Variants in ACSF3 observed in about 807,000 individuals in gnomAD.
ACSF3 encodes malonate--CoA ligase ACSF3, mitochondrial.
Under a neutral mutation model 53.2 loss-of-function variants are expected in ACSF3, and 78 were observed. The observed-to-expected ratio is 1.47, with a 90% CI of 1.22 to 1.77. The LOEUF is 1.77. Ranked by LOEUF, ACSF3 falls within the 40% of genes most tolerant of loss-of-function variation. The pLI, the probability that ACSF3 is intolerant of heterozygous loss-of-function variation, is 0.00. For missense variants in ACSF3, 937 were observed against 771.1 expected (o/e 1.22, Z -2.55); for synonymous variants, 414 against 333.1 (o/e 1.24, Z -2.65).
chr16:89,130,540 C>T (rs916033237), intron 7 of ACSF3, among the ~76,000 whole-genome samples: 3 of 152,316 alleles, frequency 2.0e-5, no homozygotes, highest in Admixed American at 2.0e-4. Context: ...TGCCATTGCA[C>T]TCCAGCCTGG....
intron 2 of ACSF3, 81 bp from the exon 3 acceptor site, chr16:89,100,581 G>C: frequency 7.3e-7 from 1 of 1,361,816 alleles, no homozygotes; most frequent in Non-Finnish European, 1.0e-6. Flanking sequence ...CTGGGTACTG[G>C]GGAGGTGTTT....
At chr16:89,141,196 T>C (rs2151548876) in intron 8 of ACSF3, 1 of 1,287,236 alleles carries the variant, frequency 7.8e-7, no homozygotes, top group Non-Finnish European at 1.0e-6. Flanking sequence ...CTCCGATGCC[T>C]CTGAGCCCTT....
intron 7 of ACSF3, among the ~76,000 whole-genome samples, chr16:89,130,307 C>T (rs2151510998): frequency 6.6e-6 from 1 of 152,276 alleles, no homozygotes; most frequent in South Asian, 2.1e-4. Context: ...TGTGGCAGCT[C>T]ATGCCTATAG....
intron 10 of ACSF3, 156 bp from the exon 11 acceptor site, chr16:89,153,934 G>A: frequency 1.4e-6 from 1 of 711,256 alleles, no homozygotes; most frequent in Non-Finnish European, 2.4e-6. Context: ...AGAGACAGCT[G>A]CGGTGGCCCG....
At chr16:89,154,030 G>T (rs1914432027) in intron 10 of ACSF3, 60 bp from the exon 11 acceptor site, 1 of 1,563,194 alleles carries the variant, frequency 6.4e-7, no homozygotes, top group African/African-American at 1.3e-5. Flanking sequence ...CTGGGCGCCT[G>T]AGTTCCTCCT....
chr16:89,094,844 A>G (rs954554742), intron 1 of ACSF3, among the ~76,000 whole-genome samples: 2 of 152,234 alleles, frequency 1.3e-5, no homozygotes, highest in African/African-American at 2.4e-5. Context: ...GCAGTGAGCC[A>G]TGACAGCACC....
At chr16:89,121,839 G>A (rs1906719003) in intron 7 of ACSF3, among the ~76,000 whole-genome samples, 1 of 152,224 alleles carries the variant, frequency 6.6e-6, no homozygotes, top group Non-Finnish European at 1.5e-5. Flanking sequence ...ATGACCACGT[G>A]AGGGTTGGAG....
At chr16:89,137,842 A>G (rs374707648) in intron 8 of ACSF3, among the ~76,000 whole-genome samples, 1 of 152,112 alleles carries the variant, frequency 6.6e-6, no homozygotes, top group Non-Finnish European at 1.5e-5. Context: ...CCACGTGCTC[A>G]TGGGCACCAC....
chr16:89,134,255 G>C (rs1909952254), intron 8 of ACSF3, among the ~76,000 whole-genome samples: 1 of 152,158 alleles, frequency 6.6e-6, no homozygotes, highest in Non-Finnish European at 1.5e-5. Flanking sequence ...CCAAGGAATG[G>C]AATCTTGGGC....
intron 8 of ACSF3, among the ~76,000 whole-genome samples, chr16:89,133,929 A>G (rs1909866673): frequency 1.3e-5 from 2 of 151,890 alleles, no homozygotes; most frequent in Admixed American, 6.5e-5. Context: ...CCCCACTGCC[A>G]CCCTCCTGCT....
At position 89,155,182 on chromosome 16, in the gene ACSF3, A is replaced by C. The variant is rs895322629; in HGVS notation, c.*975A>C. The C allele has an allele frequency of 6.6e-6, 3 of 454,012 alleles. No individual in the cohort carries two copies. The highest frequency in any genetic ancestry group is 6.0e-5 in the African/African-American group (3 of 49,994). The allele number at this position is 454,012 out of a possible 1,614,324, so 28.1% of individuals were successfully genotyped here. A position where few individuals can be genotyped will look rare whatever the true frequency, so the allele number is the denominator to read the frequency against. On this transcript the variant is annotated 3_prime_UTR_variant, in exon 11 of 11. Transcript: ENST00000614302. ...ATGCAGAATCCAGAAGTTTCTGGACAATTTTCAGAAGAATAGGCTGCCTCC... is the reference window on the plus strand; with the variant it reads ...ATGCAGAATCCAGAAGTTTCTGGACCATTTTCAGAAGAATAGGCTGCCTCC...
At position 89,100,760 on chromosome 16, in the gene ACSF3, A is replaced by G. The variant is rs1975193560; in HGVS notation, c.79A>G (p.Arg27Gly). 6.2e-7 allele frequency: 1 copy of G among 1,608,720 alleles called. No individual in the cohort carries two copies. The highest frequency in any genetic ancestry group is 2.2e-5 in the East Asian group (1 of 44,866). ...CTGCCGGCTGGCGCCTGCGAGACAC[A>G]GAGGAAGTGGTCTTCTGCACACAGC... ...ASCRLAPARH[R>G]GSGLLHTAPV... The change falls in exon 3 of 11, where the codon AGA becomes GGA. Residue 27 changes from arginine to glycine, a missense_variant. Coordinates refer to ENST00000614302, the MANE Select transcript of ACSF3 (RefSeq NM_001243279.3).
chr16:89,112,170 A>T lies in ACSF3; in HGVS notation c.901A>T (p.Met301Leu). 6.2e-7 allele frequency: 1 copy of T among 1,614,262 alleles called. No individual in the cohort carries two copies. ...AGTGCCTACAATATACACCAAGCTG[A>T]TGGAGTACTACGACAGGCATTTTAC... ...MAVPTIYTKL[M>L]EYYDRHFTQP... The change falls in exon 5 of 11, where the codon ATG becomes TTG. Residue 301 changes from methionine to leucine, a missense_variant. By Grantham distance (15) the Met-to-Leu change is conservative (BLOSUM62 2). Coordinates refer to ENST00000614302, the MANE Select transcript of ACSF3 (RefSeq NM_001243279.3).
chr16:89,114,431 T>C lies in ACSF3; in HGVS notation c.1070T>C (p.Met357Thr). 1.9e-6 allele frequency: 3 copies of C among 1,613,710 alleles called. No homozygotes were observed. The highest frequency in any genetic ancestry group is 2.5e-6 in the Non-Finnish European group (3 of 1,180,016). ...CACACCCTGCTGGAGCGGTATGGCA[T>C]GACCGAGATCGGCATGGCTCTGTCC... ...TGHTLLERYG[M>T]TEIGMALSGP... The change falls in exon 6 of 11, where the codon ATG becomes ACG. Residue 357 changes from methionine to threonine, a missense_variant. Coordinates refer to ENST00000614302, the MANE Select transcript of ACSF3 (RefSeq NM_001243279.3).
chr16:89,153,907 C>T (rs1914416960), intron 10 of ACSF3, 183 bp from the exon 11 acceptor site: 3 of 644,960 alleles, frequency 4.7e-6, no homozygotes, highest in Non-Finnish European at 5.5e-6. Flanking sequence ...CAGTCACCAC[C>T]CCTGGGCTGC....
At position 89,154,342 on chromosome 16, in the gene ACSF3, CTGTT is replaced by C. The variant is rs770362714; in HGVS notation, c.*138_*141del. The C allele has an allele frequency of 1.5e-5, 13 of 853,100 alleles. No individual in the cohort carries two copies. The highest frequency in any genetic ancestry group is 5.0e-5 in the African/African-American group (3 of 59,900). The allele number at this position is 853,100 out of a possible 1,614,324, so 52.8% of individuals were successfully genotyped here. On this transcript the variant is annotated 3_prime_UTR_variant, in exon 11 of 11. Transcript: ENST00000614302. ...AAATCAGGTCACGTAGAATCAAGAA[CTGTT>C]TGGGATGAAATCACCATGTGGGGTC... is the stretch of plus-strand genomic sequence containing the variant.
intron 7 of ACSF3, among the ~76,000 whole-genome samples, chr16:89,123,383 C>T (rs754273958): frequency 7.2e-5 from 11 of 152,224 alleles, no homozygotes; most frequent in South Asian, 6.2e-4. Context: ...CACTCGCAGA[C>T]GCACTTGGTA....
chr16:89,101,853 A>C (rs1308319190), intron 3 of ACSF3, among the ~76,000 whole-genome samples: 1 of 152,240 alleles, frequency 6.6e-6, no homozygotes, highest in Non-Finnish European at 1.5e-5. Flanking sequence ...ACCAAAAGCC[A>C]GGAAGGGGAA....
intron 4 of ACSF3, among the ~76,000 whole-genome samples, chr16:89,106,802 G>A (rs1976041595): frequency 6.6e-6 from 1 of 152,198 alleles, no homozygotes. Context: ...CTGCGGTGGT[G>A]CTGAACGATC....
Sources: gnomAD v4.1 joint callset for allele counts (sites outside exome capture counted in the v4.1 genomes callset) on GRCh38, gnomAD v4.1.1 for gene constraint, MANE v1.5 for transcripts, NCBI Gene and HGNC (gene_info 2026-07-23, HGNC 2026-07-21) for gene names.